Variants in CSF1R observed in about 807,000 individuals in gnomAD.
The protein encoded by CSF1R is colony stimulating factor 1 receptor.
CSF1R carries 40 observed loss-of-function variants against 110.0 expected under a neutral mutation model. That is an observed-to-expected ratio of 0.36 (90% CI 0.28 to 0.47). The LOEUF (loss-of-function observed/expected upper bound fraction) is 0.47. Among genes scored for constraint, CSF1R ranks in the 20% least tolerant of loss-of-function variants. CSF1R has a pLI of 0.99. For synonymous variants in CSF1R, 523 were observed against 503.4 expected, an observed-to-expected ratio of 1.04 and a Z score of -0.52; for missense variants, 1,052 against 1,253.0, an observed-to-expected ratio of 0.84 and a Z score of 2.42.
chr5:150,078,508 A>C (rs372882405), intron 3 of CSF1R, among the ~76,000 whole-genome samples: 2 of 152,016 alleles, frequency 1.3e-5, no homozygotes, highest in East Asian at 3.9e-4. Flanking sequence ...CTTCTGCACC[A>C]GCCTCCTCAG....
chr5:150,063,111 A>G (rs1254672723), intron 10 of CSF1R, among the ~76,000 whole-genome samples: 1 of 151,836 alleles, frequency 6.6e-6, no homozygotes, highest in African/African-American at 2.4e-5. Context: ...TCGACCCCCG[A>G]GGTTCAAGCA....
intron 10 of CSF1R, among the ~76,000 whole-genome samples, chr5:150,066,632 T>G (rs1757789127): frequency 6.6e-6 from 1 of 152,184 alleles, no homozygotes; most frequent in South Asian, 2.1e-4. Flanking sequence ...TCATGCTGAG[T>G]GCTGGCAGGA....
At chr5:150,076,709 T>C (rs959670211) in intron 5 of CSF1R, among the ~76,000 whole-genome samples, 21 of 152,238 alleles carry the variant, frequency 1.4e-4, no homozygotes, top group African/African-American at 4.8e-4. Context: ...TGTCAAGTTC[T>C]TTCAGTGTTC....
chr5:150,080,623 T>C (rs1442924351), intron 2 of CSF1R, 144 bp downstream of exon 2: 1 of 1,091,992 alleles, frequency 9.2e-7, no homozygotes, highest in African/African-American at 1.6e-5. Context: ...GAGGACTGCA[T>C]TACATTAGCA....
At chr5:150,062,810 T>C (rs1422712227) in intron 10 of CSF1R, among the ~76,000 whole-genome samples, 1 of 152,038 alleles carries the variant, frequency 6.6e-6, no homozygotes, top group African/African-American at 2.4e-5. Context: ...GTAAGATAAG[T>C]CAGGGAAGGC....
intron 14 of CSF1R, among the ~76,000 whole-genome samples, chr5:150,059,050 CTCTT>C (rs144072714): frequency 0.031 from 4,735 of 152,160 alleles, 246 homozygotes; most frequent in African/African-American, 0.11. Flanking sequence ...AGAGCCATCT[CTCTT>C]TTTTTTTGAG....
In CSF1R at chr5:150,094,526, A is replaced by G. The variant is rs368892320; in HGVS notation, c.-180-7919T>C. On this transcript the variant is annotated intron_variant, in intron 1 of 21. Transcript: ENST00000286301. ...CTGAAATTCGAATGGCGAGGATGGC[A>G]AGAAAAGCTGGCAACTTCTATGTAC... 65 of 1,599,728 alleles carry G rather than the reference A, an allele frequency of 4.1e-5. No individual in the cohort carries two copies. The East Asian group carries it at 5.6e-4, about 14-fold the overall frequency.
intron 6 of CSF1R, among the ~76,000 whole-genome samples, chr5:150,072,553 C>T (rs1364330768): frequency 6.6e-6 from 1 of 152,072 alleles, no homozygotes; most frequent in Non-Finnish European, 1.5e-5. Flanking sequence ...ACCTGATATA[C>T]CTGGTATGAG....
Position 150,080,909 on chromosome 5 carries a change from T to C in CSF1R, c.165A>G (p.Ser55=). 1 of 1,614,120 alleles carries C rather than the reference T, an allele frequency of 6.2e-7. No homozygotes were observed. Among genetic ancestry groups the C allele is most frequent in the Non-Finnish European group, 8.5e-7 (1 of 1,180,026 alleles). The change falls in exon 2 of 21, where the codon TCA becomes TCG. Residue 55 remains serine, a synonymous_variant. Transcript: ENST00000675795. ...NGSVEWDGPP[S]PHWTLYSDGS... is the part of the protein sequence containing the mutation. The stretch of plus-strand genomic sequence containing the variant: ...CATCAGAGTACAGGGTCCAGTGAGG[T>C]GATGGGGGGCCATCCCATTCCACGC...
In CSF1R at chr5:150,077,284, C is replaced by G. The variant is rs149168939; in HGVS notation, c.881G>C (p.Arg294Pro). The change falls in exon 5 of 21, where the codon CGG (arginine) becomes CCG (proline). Residue 294 changes from arginine (R) to proline (P), a missense_variant. By Grantham distance (103) the Arg-to-Pro change is moderately radical. This residue lies in a region of CSF1R where 693 missense variants were observed against 735.4 expected (regional missense o/e 0.94). Coordinates refer to ENST00000675795, the MANE Select transcript of CSF1R (RefSeq NM_001288705.3). ...QGKHSTSMFFRVVESAYLNLS... is the reference protein window; with the variant it reads ...QGKHSTSMFFPVVESAYLNLS... ...ACCACCCTGATGCTTACCTACCACC[C>G]GGAAGAACATGGAGGTGGAGTGCTT... 6.2e-7 allele frequency: 1 copy of G among 1,614,092 alleles called. No homozygotes were observed. Among genetic ancestry groups the G allele is most frequent in the South Asian group, 1.1e-5 (1 of 91,084 alleles).
At chr5:150,106,558 C>T (rs1759561089) in intron 1 of CSF1R, among the ~76,000 whole-genome samples, 1 of 152,164 alleles carries the variant, frequency 6.6e-6, no homozygotes, top group African/African-American at 2.4e-5. Context: ...GACCCTGGAC[C>T]ACAAAGGTTC....
intron 1 of CSF1R, among the ~76,000 whole-genome samples, chr5:150,101,321 C>A (rs1380875995): frequency 6.6e-6 from 1 of 152,184 alleles, no homozygotes; most frequent in Non-Finnish European, 1.5e-5. Context: ...CCCAGTTGCC[C>A]CAGATGCATG....
In CSF1R at chr5:150,054,152, T is replaced by TCTC. The variant is rs753736284; in HGVS notation, c.2833_2835dup (p.Glu945dup). On this transcript the variant is annotated inframe_insertion, in exon 21 of 21. Transcript: ENST00000675795. The stretch of plus-strand genomic sequence containing the variant: ...CAGCAGGTCAGGTGCTCACTAGAGC[T>TCTC]CTCCTCCTCCAGCTCACTGCTGCTG... The TCTC allele has an allele frequency of 6.2e-7, 1 of 1,613,698 alleles. No individual in the cohort carries two copies. Among genetic ancestry groups the TCTC allele is most frequent in the East Asian group, 2.2e-5 (1 of 44,868 alleles).
chr5:150,089,313 A>T (rs1758960211), upstream of CSF1R, among the ~76,000 whole-genome samples: 1 of 152,230 alleles, frequency 6.6e-6, no homozygotes, highest in South Asian at 2.1e-4. Context: ...CTATATATAG[A>T]TAAATCCTAA....
chr5:150,112,084 A>G (rs115138219), intron 1 of CSF1R, among the ~76,000 whole-genome samples: 1,990 of 151,008 alleles, frequency 0.013, 16 homozygotes, highest in Admixed American at 0.02. Flanking sequence ...TGTATGGAAA[A>G]TGTAATTGTG....
Position 150,068,314 on chromosome 5 carries a change from G to A in CSF1R, c.1527C>T (p.Pro509=). ...CTGGTGTGAAGAGGAACTCATCCGG[G>A]GGATGCGTGTGGGCTCCTGGAAGGC... ...IPISAGAHTH[P]PDEFLFTPVV... is the part of the protein sequence containing the mutation. Residue 509 remains proline (P), a synonymous_variant, in exon 10 of 21, where the codon CCC becomes CCT. Transcript: ENST00000675795. The A allele has an allele frequency of 6.2e-7, 1 of 1,612,612 alleles. No individual in the cohort carries two copies. The highest frequency in any genetic ancestry group is 1.3e-5 in the African/African-American group (1 of 75,040).
At chr5:150,058,345 C>T in intron 14 of CSF1R, 1 of 456,216 alleles carries the variant, frequency 2.2e-6, no homozygotes, top group South Asian at 1.5e-5. Context: ...TCCTAACGTT[C>T]CAGCCAGATA....
In CSF1R at chr5:150,058,179, C is replaced by T. The variant is rs770220602; in HGVS notation, c.2133-587G>A. 28 of 455,200 alleles carry T rather than the reference C, an allele frequency of 6.2e-5. No individual in the cohort carries two copies. In the East Asian group the frequency reaches 1.7e-3, roughly 28 times the overall value. The allele number at this position is 455,200 out of a possible 1,614,324, so 28.2% of individuals were successfully genotyped here. On this transcript the variant is annotated intron_variant, in intron 14 of 20. Transcript: ENST00000675795. ...CGCTGCAACTCATGTGCAGATAAAT[C>T]ACCCCGGGAATCTCTGCAATGCAGA...
rs754864186 is a variant in CSF1R at position 150,080,840 on chromosome 5, G to A, written c.234C>T (p.Asn78=). 6.2e-7 allele frequency: 1 copy of A among 1,614,204 alleles called. No homozygotes were observed. The highest frequency in any genetic ancestry group is 8.5e-7 in the Non-Finnish European group (1 of 1,180,040). ...GCTCAGTGCAGCGATAGGTCCCCGT[G>A]TTTTGGAAGGTAGCGTTGTTGGTGC... is the stretch of plus-strand genomic sequence containing the variant. ...ILSTNNATFQ[N]TGTYRCTEPG... is the part of the protein sequence containing the mutation. The change falls in exon 2 of 21, where the codon AAC becomes AAT. Residue 78 remains asparagine (N), a synonymous_variant. Coordinates refer to ENST00000675795, the MANE Select transcript of CSF1R (RefSeq NM_001288705.3).
Sources: allele counts gnomAD v4.1 joint callset (sites outside exome capture counted in the v4.1 genomes callset), GRCh38; gene constraint gnomAD v4.1.1; regional missense constraint gnomAD v4.1.1; transcripts MANE v1.5; gene names NCBI Gene and HGNC (gene_info 2026-07-23, HGNC 2026-07-21).